FAR1: variants seen among roughly 807,000 people sequenced by gnomAD.
The protein encoded by FAR1 is male sterility domain-containing protein 2.
In FAR1, 22 loss-of-function variants were observed where a neutral mutation model predicts 61.1. The ratio of observed to expected loss-of-function variants is 0.36; its 90% CI spans 0.26 to 0.51. The LOEUF (loss-of-function observed/expected upper bound fraction) is 0.51, where lower values mean the gene tolerates loss of function less well. FAR1 is among the 20% of genes least tolerant of loss of function. The probability of loss-of-function intolerance (pLI) is 0.95; values close to 1 mark genes in which losing one functional copy is unlikely to be tolerated. For missense variants in FAR1, 359 were observed against 626.9 expected (o/e 0.57, Z 4.56); for synonymous variants, 206 against 209.7 (o/e 0.98, Z 0.15).
intron 1 of FAR1, among the ~76,000 whole-genome samples, chr11:13,680,097 A>T (rs995662126): frequency 4.6e-5 from 7 of 152,354 alleles, no homozygotes; most frequent in Admixed American, 4.6e-4. Context: ...GTTAACCAGG[A>T]TGCTACAGCT....
At chr11:13,677,874 A>G (rs1350713455) in intron 1 of FAR1, among the ~76,000 whole-genome samples, 4 of 152,258 alleles carry the variant, frequency 2.6e-5, no homozygotes, top group Non-Finnish European at 5.9e-5. Context: ...CTAATTAGAA[A>G]ACTGCAGGCC....
At chr11:13,722,866 A>G (rs568254403) in intron 10 of FAR1, among the ~76,000 whole-genome samples, 1 of 128,548 alleles carries the variant, frequency 7.8e-6, no homozygotes, top group African/African-American at 2.7e-5. Flanking sequence ...CTCTATATAT[A>G]TATATATATA....
chr11:13,675,772 T>A (rs1354304834), intron 1 of FAR1, among the ~76,000 whole-genome samples: 1 of 152,222 alleles, frequency 6.6e-6, no homozygotes, highest in African/African-American at 2.4e-5. Context: ...ATTTTAAGAT[T>A]ATTTTGAAAT....
At chr11:13,704,533 T>C (rs577363195) in intron 3 of FAR1, among the ~76,000 whole-genome samples, 1 of 152,302 alleles carries the variant, frequency 6.6e-6, no homozygotes, top group African/African-American at 2.4e-5. Flanking sequence ...TTTTGACTTT[T>C]TAATTTTGGA....
In FAR1 at chr11:13,729,804, A is replaced by G. The variant is rs1848704623; in HGVS notation, c.*1030A>G. 6.6e-6 allele frequency: 1 copy of G among 152,154 alleles called. No individual in the cohort carries two copies. The highest frequency in any genetic ancestry group is 2.4e-5 in the African/African-American group (1 of 41,450). 9.4% of individuals were successfully genotyped at this position (152,154 alleles called of 1,614,324 possible). ...ATATACTCGTGTGTAAACACATACT[A>G]ATTTTGACCTTGAAAGATGAATTCC... On this transcript the variant is annotated 3_prime_UTR_variant, in exon 12 of 12. Transcript: ENST00000354817.
At chr11:13,728,323 G>T (rs1289027942) in intron 11 of FAR1, among the ~76,000 whole-genome samples, 2 of 151,730 alleles carry the variant, frequency 1.3e-5, no homozygotes, top group African/African-American at 4.8e-5. Context: ...GAAAGAGTAA[G>T]TTACTTGTCT....
chr11:13,722,223 CTT>C (rs904705693), intron 10 of FAR1, among the ~76,000 whole-genome samples: 2 of 151,884 alleles, frequency 1.3e-5, no homozygotes, highest in Admixed American at 6.6e-5. Context: ...TTTATAAACT[CTT>C]TTACTTTTTG....
At chr11:13,720,641 A>C (rs1321647860) in intron 9 of FAR1, 2 of 151,478 alleles carry the variant, frequency 1.3e-5, no homozygotes, top group Admixed American at 1.3e-4. Flanking sequence ...AGCTAATGAT[A>C]CTTTTTTGAT....
Position 13,721,510 on chromosome 11 carries a change from TG to T in FAR1, c.1128-219del. On this transcript the variant is annotated intron_variant, in intron 9 of 11. Coordinates refer to ENST00000354817, the MANE Select transcript of FAR1 (RefSeq NM_032228.6). This position sits in a 1 kb window ranked among gnomAD's most constrained non-coding sequence, Gnocchi z 4.2. ...AGGTGGTATTAAATGCATTTGCTGC[TG>T]CTTTCAAAAAAAATTTGTTTTCCTT... 2.4e-6 allele frequency: 1 copy of T among 423,134 alleles called. No individual in the cohort carries two copies. Among genetic ancestry groups the T allele is most frequent in the Middle Eastern group, 6.3e-4 (1 of 1,582 alleles). 26.2% of individuals were successfully genotyped at this position (423,134 alleles called of 1,614,324 possible). A position where few individuals can be genotyped will look rare whatever the true frequency, so the allele number is the denominator to read the frequency against.
intron 3 of FAR1, among the ~76,000 whole-genome samples, chr11:13,707,433 A>G (rs1258142275): frequency 2.0e-5 from 3 of 152,172 alleles, no homozygotes; most frequent in Non-Finnish European, 2.9e-5. Context: ...AATATAATTT[A>G]ATGTTTCTGA....
chr11:13,700,234 C>G (rs371508883), intron 2 of FAR1, 83 bp from the exon 3 acceptor site: 1 of 1,016,992 alleles, frequency 9.8e-7, no homozygotes. Flanking sequence ...AATAGTCATC[C>G]TTGGTGGGAA....
chr11:13,711,489 T>C (rs1308303202), intron 5 of FAR1, among the ~76,000 whole-genome samples: 1 of 152,144 alleles, frequency 6.6e-6, no homozygotes, highest in East Asian at 1.9e-4. Flanking sequence ...TATTCAACAA[T>C]ATAAACCCTC....
intron 4 of FAR1, among the ~76,000 whole-genome samples, chr11:13,708,575 T>C (rs1241364265): frequency 6.6e-6 from 1 of 152,058 alleles, no homozygotes; most frequent in Non-Finnish European, 1.5e-5. Context: ...CAATGTGTAG[T>C]TTTCACTTTT....
intron 10 of FAR1, among the ~76,000 whole-genome samples, chr11:13,722,425 C>G (rs1027030147): frequency 2.0e-5 from 3 of 151,958 alleles, no homozygotes; most frequent in African/African-American, 7.3e-5. Flanking sequence ...CACTCCCACT[C>G]ACTTAAAATG....
In FAR1 at chr11:13,717,074, AC is replaced by A. The variant is rs541982070; in HGVS notation, c.1127+2396del. 2.6e-3 allele frequency among the ~76,000 whole-genome samples: 388 copies of A among 151,636 alleles called. 2 individuals carry two copies. Among genetic ancestry groups the A allele is most frequent in the African/African-American group, 8.9e-3 (370 of 41,342 alleles). ...TGGAAAGTACAATCTGCTATAGTCAACCTTCTGGCCAAAACAATTCATATTT... is the reference window on the plus strand; with the variant it reads ...TGGAAAGTACAATCTGCTATAGTCAACTTCTGGCCAAAACAATTCATATTT... On this transcript the variant is annotated intron_variant, in intron 9 of 11. Coordinates refer to ENST00000354817, the MANE Select transcript of FAR1 (RefSeq NM_032228.6).
At chr11:13,679,938 T>TG (rs1183743861) in intron 1 of FAR1, among the ~76,000 whole-genome samples, 1 of 151,640 alleles carries the variant, frequency 6.6e-6, no homozygotes, top group Non-Finnish European at 1.5e-5. Flanking sequence ...AGAAGTGCCT[T>TG]GGGGGGAAGT....
chr11:13,672,024 G>T (rs1253524303), intron 1 of FAR1, among the ~76,000 whole-genome samples: 2 of 152,196 alleles, frequency 1.3e-5, no homozygotes, highest in Non-Finnish European at 2.9e-5. Flanking sequence ...TAGCAACAAA[G>T]TATATAGCTG....
intron 1 of FAR1, among the ~76,000 whole-genome samples, chr11:13,683,840 A>T (rs1421552869): frequency 1.3e-5 from 2 of 152,172 alleles, no homozygotes; most frequent in Non-Finnish European, 2.9e-5. Context: ...TCAATTTGAG[A>T]CTTTCCATTG....
Position 13,712,062 on chromosome 11 carries a change from A to G in FAR1, c.887+16A>G, listed in dbSNP as rs369390168. 2.6e-5 allele frequency: 39 copies of G among 1,502,494 alleles called. No individual in the cohort carries two copies. The highest frequency in any genetic ancestry group is 1.7e-4 in the Middle Eastern group (1 of 5,888). The allele number at this position is 1,502,494 out of a possible 1,614,324, so 93.1% of individuals were successfully genotyped here. A position where few individuals can be genotyped will look rare whatever the true frequency, so the allele number is the denominator to read the frequency against. Reference sequence around the variant, plus strand: ...GAGTTAATAGGTATATGAGGTGACAATGTCGCTTATTAAATATATAGTAAC... The same window carrying G: ...GAGTTAATAGGTATATGAGGTGACAGTGTCGCTTATTAAATATATAGTAAC... On this transcript the variant is annotated intron_variant, in intron 7 of 11. Coordinates refer to ENST00000354817, the MANE Select transcript of FAR1 (RefSeq NM_032228.6).
Sources: allele counts gnomAD v4.1 joint callset (sites outside exome capture counted in the v4.1 genomes callset), GRCh38; gene constraint gnomAD v4.1.1; non-coding constraint Gnocchi (gnomAD v3.1); transcripts MANE v1.5; gene names NCBI Gene and HGNC (gene_info 2026-07-23, HGNC 2026-07-21).